Variants in ILRUN observed in about 807,000 individuals in gnomAD.
ILRUN encodes the protein inflammation and lipid regulator with UBA-like and NBR1-like domains.
A neutral mutation model predicts 33.8 loss-of-function variants in ILRUN; 3 were observed. The ratio of observed to expected loss-of-function variants is 0.09; its 90% CI spans 0.04 to 0.23. The LOEUF is 0.23. Among genes scored for constraint, ILRUN ranks in the 10% least tolerant of loss-of-function variants. The probability of loss-of-function intolerance (pLI) is 1.00; values close to 1 mark genes in which losing one functional copy is unlikely to be tolerated. For missense variants in ILRUN, 210 were observed against 375.1 expected (o/e 0.56, Z 3.64); for synonymous variants, 124 against 138.9 (o/e 0.89, Z 0.75).
At position 34,588,053 on chromosome 6, in the gene ILRUN, C is replaced by T. The variant is rs1480767257; in HGVS notation, c.*2512G>A. 2 of 398,638 alleles carry T rather than the reference C, an allele frequency of 5.0e-6. No homozygotes were observed. Among genetic ancestry groups the T allele is most frequent in the East Asian group, 3.6e-5 (1 of 28,084 alleles). 24.7% of individuals were successfully genotyped at this position (398,638 alleles called of 1,614,324 possible). A position where few individuals can be genotyped will look rare whatever the true frequency, so the allele number is the denominator to read the frequency against. On this transcript the variant is annotated 3_prime_UTR_variant, in exon 5 of 5. Transcript: ENST00000374023. ...CAGGGGAGCAGAGAGGGGCCCTAGG[C>T]ATTGCTCTGAACCCATACCAGTGAG...
Position 34,592,062 on chromosome 6 carries a change from T to G in ILRUN, c.862-1462A>C, listed in dbSNP as rs189132365. On this transcript the variant is annotated intron_variant, in intron 4 of 4. Transcript: ENST00000374023. This position sits in a 1 kb window ranked among gnomAD's most constrained non-coding sequence, Gnocchi z 4.0. ...ACCACGAACACGCTGGACCATGACG[T>G]GTGCTTCCTCCCCAATCCCTGCTTT... Among the ~76,000 whole-genome samples, 64 of 152,282 alleles carry G rather than the reference T, an allele frequency of 4.2e-4. No homozygotes were observed. The highest frequency in any genetic ancestry group is 1.3e-3 in the African/African-American group (54 of 41,568).
At chr6:34,626,476 C>A (rs185603713) in intron 3 of ILRUN, among the ~76,000 whole-genome samples, 2 of 152,298 alleles carry the variant, frequency 1.3e-5, no homozygotes, top group African/African-American at 2.4e-5. Flanking sequence ...TTTGCCCGAT[C>A]GTATTTTATT....
At chr6:34,616,990 TG>T in intron 3 of ILRUN, 1 of 547,824 alleles carries the variant, frequency 1.8e-6, no homozygotes, top group Non-Finnish European at 3.6e-6. Context: ...AGCATGGTTA[TG>T]GCAAAATCAA....
intron 3 of ILRUN, among the ~76,000 whole-genome samples, chr6:34,610,421 G>A (rs1343798722): frequency 6.6e-6 from 1 of 152,116 alleles, no homozygotes; most frequent in Non-Finnish European, 1.5e-5. Context: ...TCCTATCCTA[G>A]CTTTCTAACA....
chr6:34,665,412 A>T lies in ILRUN; in HGVS notation c.159-10633T>A, dbSNP rs761249963. Among the ~76,000 whole-genome samples, 26 of 151,680 alleles carry T rather than the reference A, an allele frequency of 1.7e-4. 1 individual carries two copies. The South Asian group carries it at 2.7e-3, about 16-fold the overall frequency. ...CAGCAAGCTGTTATTGTACCACTGC[A>T]CTCCACTGTGGGCGACAAGACGCTG... On this transcript the variant is annotated intron_variant, in intron 1 of 4. Coordinates refer to ENST00000374023, the MANE Select transcript of ILRUN (RefSeq NM_024294.4).
chr6:34,671,803 G>A (rs140841873), intron 1 of ILRUN: 35 of 152,346 alleles, frequency 2.3e-4, no homozygotes, highest in African/African-American at 8.4e-4. Context: ...AAGGGAACTG[G>A]GAAGTAGACA....
chr6:34,664,050 G>C (rs968823089), intron 1 of ILRUN, among the ~76,000 whole-genome samples: 1 of 152,158 alleles, frequency 6.6e-6, no homozygotes, highest in African/African-American at 2.4e-5. Context: ...TGTAGCCTCT[G>C]GAAGCAGGAA....
chr6:34,642,199 G>A (rs893214777), intron 3 of ILRUN, among the ~76,000 whole-genome samples: 6 of 152,172 alleles, frequency 3.9e-5, no homozygotes, highest in African/African-American at 1.4e-4. Flanking sequence ...ACGACATGAC[G>A]CTGGAGATGC....
chr6:34,662,334 A>G (rs1762906737), intron 1 of ILRUN, among the ~76,000 whole-genome samples: 1 of 151,774 alleles, frequency 6.6e-6, no homozygotes, highest in Non-Finnish European at 1.5e-5. Flanking sequence ...AAAGAAAAGA[A>G]AAAGACATAG....
chr6:34,652,741 T>A (rs913927914), intron 2 of ILRUN, among the ~76,000 whole-genome samples: 1 of 152,158 alleles, frequency 6.6e-6, no homozygotes, highest in African/African-American at 2.4e-5. Flanking sequence ...TCTCTCAGAA[T>A]TTTTCTCTGA....
At chr6:34,686,728 G>T in intron 1 of ILRUN, 1 of 204,232 alleles carries the variant, frequency 4.9e-6, no homozygotes, top group Non-Finnish European at 1.0e-5. Flanking sequence ...CAGCACTTTG[G>T]GAGGCAGAGG....
chr6:34,659,746 G>A lies in ILRUN; in HGVS notation c.159-4967C>T, dbSNP rs180676523. ...AAGCAATTCTCCTACCTCAGCCTCC[G>A]GAGTAGCTGGGATTACAGGCATGTG... On this transcript the variant is annotated intron_variant, in intron 1 of 4. Coordinates refer to ENST00000374023, the MANE Select transcript of ILRUN (RefSeq NM_024294.4). Among the ~76,000 whole-genome samples, 5 of 149,376 alleles carry A rather than the reference G, an allele frequency of 3.3e-5. No individual in the cohort carries two copies. The East Asian group carries it at 6.1e-4, about 18-fold the overall frequency.
chr6:34,625,085 C>A (rs1358836921), intron 3 of ILRUN, among the ~76,000 whole-genome samples: 2 of 152,216 alleles, frequency 1.3e-5, no homozygotes, highest in Non-Finnish European at 2.9e-5. Flanking sequence ...GAGAACTACA[C>A]TAGCTCTTTA....
At position 34,632,672 on chromosome 6, in the gene ILRUN, C is replaced by T. The variant is rs942976079; in HGVS notation, c.511+13929G>A. ...CTGGGACTACAGGCACCAACTAACA[C>T]ACCCGGCTAATTTTTTTTTTTTTTG... On this transcript the variant is annotated intron_variant, in intron 3 of 4. Transcript: ENST00000374023. Among the ~76,000 whole-genome samples, 5 of 132,968 alleles carry T rather than the reference C, an allele frequency of 3.8e-5. No individual in the cohort carries two copies. In the East Asian group the frequency reaches 8.9e-4, roughly 24 times the overall value. The allele number at this position is 132,968 out of a possible 152,430, so 87.2% of individuals were successfully genotyped here.
chr6:34,676,390 C>G (rs1056639783), intron 1 of ILRUN, among the ~76,000 whole-genome samples: 1 of 141,922 alleles, frequency 7.0e-6, no homozygotes, highest in African/African-American at 2.9e-5. Flanking sequence ...CAGAGCAAGA[C>G]CCTTTCTCTC....
intron 4 of ILRUN, among the ~76,000 whole-genome samples, chr6:34,603,551 T>C (rs1189386956): frequency 2.0e-5 from 3 of 151,996 alleles, no homozygotes; most frequent in African/African-American, 7.3e-5. Context: ...AGAGGATTGC[T>C]TGAGCCCAGG....
chr6:34,652,702 C>G (rs1165448487), intron 2 of ILRUN, among the ~76,000 whole-genome samples: 1 of 152,182 alleles, frequency 6.6e-6, no homozygotes, highest in African/African-American at 2.4e-5. Context: ...GGCACCCCCA[C>G]AAACACGTAT....
chr6:34,599,485 G>C (rs1357842974), intron 4 of ILRUN, among the ~76,000 whole-genome samples: 1 of 152,120 alleles, frequency 6.6e-6, no homozygotes, highest in Non-Finnish European at 1.5e-5. Flanking sequence ...TTGGCATCTA[G>C]TGGGTAAAAG....
intron 3 of ILRUN, among the ~76,000 whole-genome samples, chr6:34,622,619 G>C (rs747909626): frequency 7.9e-5 from 12 of 152,136 alleles, no homozygotes; most frequent in Non-Finnish European, 1.6e-4. Flanking sequence ...TGTTGGTGAG[G>C]ATGTGGAGAA....
Sources: gnomAD v4.1 joint callset for allele counts (sites outside exome capture counted in the v4.1 genomes callset) on GRCh38, gnomAD v4.1.1 for gene constraint, Gnocchi (gnomAD v3.1) non-coding constraint, MANE v1.5 for transcripts, NCBI Gene and HGNC (gene_info 2026-07-23, HGNC 2026-07-21) for gene names.